Variants in ZNF254 observed in about 807,000 individuals in gnomAD.
ZNF254 encodes zinc finger protein 254, also known as CTD-2017D11.1.
In ZNF254, 10 loss-of-function variants were observed where a neutral mutation model predicts 12.4. That is an observed-to-expected ratio of 0.80 (90% CI 0.50 to 1.36). The LOEUF is 1.36. ZNF254 is among the 40% of genes most tolerant of loss of function. The pLI, the probability that ZNF254 is intolerant of heterozygous loss-of-function variation, is 0.00. For synonymous variants in ZNF254, 305 were observed against 253.4 expected, an observed-to-expected ratio of 1.20 and a Z score of -1.93; for missense variants, 996 against 763.9, an observed-to-expected ratio of 1.30 and a Z score of -3.58.
At chr19:24,046,685 A>C (rs1157010483) in intron 2 of ZNF254, among the ~76,000 whole-genome samples, 3 of 152,162 alleles carry the variant, frequency 2.0e-5, no homozygotes, top group Middle Eastern at 3.4e-3. Context: ...AATGTGAACA[A>C]CAATTATTTC....
chr19:24,051,400 G>T (rs56356944), intron 2 of ZNF254, among the ~76,000 whole-genome samples: 24,215 of 151,958 alleles, frequency 0.16, 2,093 homozygotes, highest in Middle Eastern at 0.23. Flanking sequence ...CCTCAAGTGA[G>T]CCACCTGCCT....
At chr19:24,118,653 GC>G (rs1183865468) in intron 3 of ZNF254, among the ~76,000 whole-genome samples, 1 of 151,842 alleles carries the variant, frequency 6.6e-6, no homozygotes, top group Non-Finnish European at 1.5e-5. Flanking sequence ...TTTCTAGGAG[GC>G]CTTATCCCTC....
rs148373644 is a variant in ZNF254 at position 24,042,407 on chromosome 19, C to T, written c.-189-3777C>T. On this transcript the variant is annotated intron_variant, in intron 1 of 4. Transcript: ENST00000613065. ...TTGGCAACCCGCTCAGGTCCCCTTC[C>T]ACACTGTGGAAACTTTGTTCTTTAA... is the stretch of plus-strand genomic sequence containing the variant. 9.3e-4 allele frequency among the ~76,000 whole-genome samples: 141 copies of T among 152,328 alleles called. 1 individual carries two copies. The highest frequency in any genetic ancestry group is 3.2e-3 in the African/African-American group (133 of 41,582).
At chr19:24,039,619 CA>C (rs1266910974) in intron 1 of ZNF254, among the ~76,000 whole-genome samples, 11 of 152,168 alleles carry the variant, frequency 7.2e-5, no homozygotes, top group African/African-American at 2.6e-4. Context: ...TCTGGAGGCT[CA>C]AACTGATATG....
At chr19:24,086,925 A>T (rs1417252697), upstream of ZNF254, among the ~76,000 whole-genome samples, 1 of 152,222 alleles carries the variant, frequency 6.6e-6, no homozygotes, top group Non-Finnish European at 1.5e-5. Context: ...AATACATTGA[A>T]AAAGAGAGAG....
intron 2 of ZNF254, among the ~76,000 whole-genome samples, chr19:24,050,454 T>C (rs1334568150): frequency 6.6e-6 from 1 of 152,194 alleles, no homozygotes; most frequent in Non-Finnish European, 1.5e-5. Flanking sequence ...ACCATTGCTC[T>C]TGGCACCCTT....
chr19:24,110,849 C>A (rs920654049), intron 3 of ZNF254, among the ~76,000 whole-genome samples: 1 of 151,698 alleles, frequency 6.6e-6, no homozygotes, highest in Non-Finnish European at 1.5e-5. Flanking sequence ...TTAAAAGTGA[C>A]AAGATTTTTT....
intron 2 of ZNF254, among the ~76,000 whole-genome samples, chr19:24,057,712 G>A (rs1004904077): frequency 5.3e-5 from 8 of 152,228 alleles, no homozygotes; most frequent in African/African-American, 1.9e-4. Flanking sequence ...CCAAAGTTAA[G>A]TTGGTGACTT....
chr19:24,040,892 G>A (rs1391567578), intron 1 of ZNF254, among the ~76,000 whole-genome samples: 2 of 152,200 alleles, frequency 1.3e-5, no homozygotes, highest in African/African-American at 4.8e-5. Context: ...AGATGTAAGG[G>A]ACTCTGTGTG....
intron 3 of ZNF254, among the ~76,000 whole-genome samples, chr19:24,120,967 G>C (rs1377461479): frequency 2.0e-5 from 3 of 151,906 alleles, no homozygotes; most frequent in African/African-American, 7.3e-5. Context: ...TGAATCTCCT[G>C]GTCTTTAGTG....
chr19:24,072,931 A>G (rs1188856022), intron 2 of ZNF254, among the ~76,000 whole-genome samples: 1 of 152,220 alleles, frequency 6.6e-6, no homozygotes, highest in Admixed American at 6.5e-5. Context: ...GGGTTGTGAC[A>G]TATACCTTAG....
chr19:24,127,031 A>G lies in ZNF254; in HGVS notation c.1031A>G (p.His344Arg). 6.2e-7 allele frequency: 1 copy of G among 1,613,874 alleles called. No individual in the cohort carries two copies. Among genetic ancestry groups the G allele is most frequent in the Non-Finnish European group, 8.5e-7 (1 of 1,179,866 alleles). Residue 344 changes from histidine (H) to arginine (R), a missense_variant, in exon 4 of 4, where the codon CAC becomes CGC. Transcript: ENST00000357002. ...SSTLTRHKRM[H>R]TGEKPYKCEE... ...ACACTAACTAGACATAAGAGGATGC[A>G]CACTGGAGAGAAACCCTACAAATGT...
At chr19:24,057,539 C>T (rs1485063164) in intron 2 of ZNF254, among the ~76,000 whole-genome samples, 2 of 152,222 alleles carry the variant, frequency 1.3e-5, no homozygotes, top group African/African-American at 2.4e-5. Context: ...AGGGAATGTT[C>T]TAACTAGGCT....
chr19:24,063,445 G>A lies in ZNF254; in HGVS notation c.-94+17166G>A, dbSNP rs538613801. ...TGTTGCACCCAGGTGGTGTGAGTCGGCTCTTCTGCCTTGGTGCTGCCCACA... is the reference window on the plus strand; with the variant it reads ...TGTTGCACCCAGGTGGTGTGAGTCGACTCTTCTGCCTTGGTGCTGCCCACA... On this transcript the variant is annotated intron_variant, in intron 2 of 4. Coordinates refer to the ZNF254 transcript ENST00000613065. 6.0e-4 allele frequency among the ~76,000 whole-genome samples: 92 copies of A among 152,306 alleles called. 1 individual carries two copies. The highest frequency in any genetic ancestry group is 1.0e-3 in the Admixed American group (16 of 15,294).
chr19:24,107,056 T>A lies in ZNF254; in HGVS notation c.253+413T>A, dbSNP rs181936531. ...GTAGTTTCTGTTATATTGGGTTTTT[T>A]CTTTTTGGTTTATTTTTCTGCACAT... On this transcript the variant is annotated intron_variant, in intron 3 of 3. Coordinates refer to ENST00000357002, the MANE Select transcript of ZNF254 (RefSeq NM_203282.4). 179 of 447,626 alleles carry A rather than the reference T, an allele frequency of 4.0e-4. 2 individuals carry two copies. The highest frequency in any genetic ancestry group is 3.3e-3 in the African/African-American group (159 of 48,908). The allele number at this position is 447,626 out of a possible 1,614,324, so 27.7% of individuals were successfully genotyped here.
upstream of ZNF254, chr19:24,087,126 G>GGGAACTGTCCAATCA (rs1972069890): frequency 1.5e-6 from 1 of 672,320 alleles, no homozygotes; most frequent in Non-Finnish European, 2.6e-6. Flanking sequence ...ACGTTGGGCT[G>GGGAACTGTCCAATCA]GGAACTGTCC....
rs577660720 is a variant in ZNF254, at chr19:24,110,225, A to C, written c.253+3582A>C. Among the ~76,000 whole-genome samples the C allele has an allele frequency of 2.0e-5, 3 of 152,278 alleles. No homozygotes were observed. The South Asian group carries it at 6.2e-4, about 32-fold the overall frequency. ...GTTTTTAAAAATTATTGTTGTAAAA[A>C]CACTTAGCATATAATTTACCTTCTT... On this transcript the variant is annotated intron_variant, in intron 3 of 3. Transcript: ENST00000357002.
chr19:24,118,047 TTTTTC>T (rs1310885177), intron 3 of ZNF254, among the ~76,000 whole-genome samples: 7 of 151,842 alleles, frequency 4.6e-5, no homozygotes, highest in East Asian at 1.9e-4. Context: ...GGGTTTCTTT[TTTTTC>T]TTTTCTTTTT....
At chr19:24,116,911 C>G (rs1974116986) in intron 3 of ZNF254, among the ~76,000 whole-genome samples, 1 of 152,146 alleles carries the variant, frequency 6.6e-6, no homozygotes, top group African/African-American at 2.4e-5. Flanking sequence ...TTCCTTCTAA[C>G]AGACAGGACC....
Sources: allele counts gnomAD v4.1 joint callset (sites outside exome capture counted in the v4.1 genomes callset), GRCh38; gene constraint gnomAD v4.1.1; transcripts MANE v1.5; gene names NCBI Gene and HGNC (gene_info 2026-07-23, HGNC 2026-07-21).